Variants in NR3C1 observed in about 807,000 individuals in gnomAD.
NR3C1 encodes nuclear receptor subfamily 3 group C member 1.
Under a neutral mutation model 74.0 loss-of-function variants are expected in NR3C1, and 14 were observed. That is an observed-to-expected ratio of 0.19 (90% confidence interval 0.12 to 0.30). The LOEUF is 0.30. Ranked by LOEUF, NR3C1 falls within the 10% of genes least tolerant of loss-of-function variation. NR3C1 has a pLI of 1.00. For synonymous variants in NR3C1, 308 were observed against 332.5 expected (o/e 0.93, Z 0.80); for missense variants, 695 against 909.8 (o/e 0.76, Z 3.04).
At position 143,363,134 on chromosome 5, in the gene NR3C1, A is replaced by G. The variant is rs34562334; in HGVS notation, c.1184+36522T>C. On this transcript the variant is annotated intron_variant, in intron 2 of 8. Transcript: ENST00000394464. Reference sequence around the variant, plus strand: ...AGAGGCCATGGGCAAAGACTGGAAGATATTTTGCTTCTAGGCATTTAATGA... The same window carrying G: ...AGAGGCCATGGGCAAAGACTGGAAGGTATTTTGCTTCTAGGCATTTAATGA... Among the ~76,000 whole-genome samples the G allele has an allele frequency of 6.3e-3, 962 of 152,332 alleles. 8 individuals carry two copies. The highest frequency in any genetic ancestry group is 0.021 in the African/African-American group (890 of 41,578).
In NR3C1 at chr5:143,282,442, G is replaced by C. The variant is rs541779640; in HGVS notation, c.2181+126C>G. ...ACTGAAGTTCATAAGTTGAACTCAA[G>C]CTATCACCAACATCCACAAACTGGG... On this transcript the variant is annotated intron_variant, in intron 8 of 8. Transcript: ENST00000394464. 34 of 993,700 alleles carry C rather than the reference G, an allele frequency of 3.4e-5. No individual in the cohort carries two copies. The South Asian group carries it at 4.2e-4, about 12-fold the overall frequency. 61.6% of individuals were successfully genotyped at this position (993,700 alleles called of 1,614,324 possible).
chr5:143,297,810 A>G (rs956861382), intron 6 of NR3C1, among the ~76,000 whole-genome samples: 1 of 152,184 alleles, frequency 6.6e-6, no homozygotes, highest in Admixed American at 6.5e-5. Flanking sequence ...GAACACCAAG[A>G]GTCTAAGAGT....
chr5:143,331,817 T>C (rs1825998397), intron 2 of NR3C1, among the ~76,000 whole-genome samples: 1 of 152,120 alleles, frequency 6.6e-6, no homozygotes, highest in Non-Finnish European at 1.5e-5. Context: ...TAAAAACCTA[T>C]CCATCAAGTA....
chr5:143,388,664 G>C (rs1278948777), intron 2 of NR3C1, among the ~76,000 whole-genome samples: 2 of 152,192 alleles, frequency 1.3e-5, no homozygotes, highest in Admixed American at 6.5e-5. Flanking sequence ...ATTTAAATGA[G>C]AGAGTAAACC....
intron 2 of NR3C1, among the ~76,000 whole-genome samples, chr5:143,369,278 T>C (rs1479261262): frequency 1.3e-5 from 2 of 152,124 alleles, no homozygotes; most frequent in Non-Finnish European, 2.9e-5. Flanking sequence ...TGTAGAAAAA[T>C]GTTTGGCAGT....
rs116643133 is a variant in NR3C1, at chr5:143,347,099, C to T, written c.1185-32931G>A. Among the ~76,000 whole-genome samples, 448 of 152,266 alleles carry T rather than the reference C, an allele frequency of 2.9e-3. 1 individual carries two copies. The highest frequency in any genetic ancestry group is 0.01 in the Middle Eastern group (3 of 294). On this transcript the variant is annotated intron_variant, in intron 2 of 8. Coordinates refer to ENST00000394464, the MANE Select transcript of NR3C1 (RefSeq NM_000176.3). ...TCTTTTCTAGAATGTTTATATAGTA[C>T]AAGAAATGTATATTTGACATAGAAA...
intron 4 of NR3C1, among the ~76,000 whole-genome samples, chr5:143,308,044 T>G (rs895868705): frequency 6.6e-6 from 1 of 152,054 alleles, no homozygotes; most frequent in African/African-American, 2.4e-5. Context: ...GTAGATAGAG[T>G]TGTGTGTGTG....
chr5:143,370,071 C>T (rs1833977057), intron 2 of NR3C1, among the ~76,000 whole-genome samples: 1 of 152,256 alleles, frequency 6.6e-6, no homozygotes, highest in African/African-American at 2.4e-5. Context: ...TGGCTCTTTC[C>T]AGTCCTTTAG....
intron 7 of NR3C1, among the ~76,000 whole-genome samples, chr5:143,286,156 G>T (rs1165671610): frequency 6.6e-6 from 1 of 151,960 alleles, no homozygotes; most frequent in Non-Finnish European, 1.5e-5. Context: ...AACCAACAAA[G>T]CTCACTCAAG....
At chr5:143,340,497 T>A (rs1600109533) in intron 2 of NR3C1, among the ~76,000 whole-genome samples, 1 of 148,326 alleles carries the variant, frequency 6.7e-6, no homozygotes, top group Non-Finnish European at 1.5e-5. Flanking sequence ...TTTTTTTTTT[T>A]TTTGAGACAG....
chr5:143,340,050 GACAA>G (rs1282733794), intron 2 of NR3C1, among the ~76,000 whole-genome samples: 1 of 151,860 alleles, frequency 6.6e-6, no homozygotes, highest in African/African-American at 2.4e-5. Context: ...CTATATATGC[GACAA>G]ACAATTGGAA....
At chr5:143,419,914 C>G (rs34449288) in intron 1 of NR3C1, among the ~76,000 whole-genome samples, 27,655 of 152,096 alleles carry the variant, frequency 0.18, 2,730 homozygotes, top group Middle Eastern at 0.35. Flanking sequence ...CCTACAGTTT[C>G]AACCATAGAA....
At chr5:143,357,167 C>A (rs1186605739) in intron 2 of NR3C1, among the ~76,000 whole-genome samples, 1 of 152,082 alleles carries the variant, frequency 6.6e-6, no homozygotes, top group Admixed American at 6.5e-5. Context: ...TAACGTATTG[C>A]TAGTGTATTT....
chr5:143,355,890 G>A (rs1831050527), intron 2 of NR3C1, among the ~76,000 whole-genome samples: 1 of 152,186 alleles, frequency 6.6e-6, no homozygotes. Context: ...AACCCTGACT[G>A]TGAGTCACAA....
At chr5:143,318,768 C>A (rs1822715639) in intron 2 of NR3C1, among the ~76,000 whole-genome samples, 2 of 152,262 alleles carry the variant, frequency 1.3e-5, no homozygotes, top group South Asian at 4.1e-4. Flanking sequence ...ATACACTTTT[C>A]TTTGAGACAA....
At chr5:143,424,621 G>T (rs1751436534) in intron 1 of NR3C1, among the ~76,000 whole-genome samples, 1 of 152,110 alleles carries the variant, frequency 6.6e-6, no homozygotes, top group South Asian at 2.1e-4. Flanking sequence ...GCCTTATATG[G>T]CATTATAGTC....
At chr5:143,402,574 C>T (rs1436730592) in intron 1 of NR3C1, 5 of 984,166 alleles carry the variant, frequency 5.1e-6, no homozygotes, top group Middle Eastern at 5.2e-4. Flanking sequence ...GAAAAAAGTG[C>T]GAGGTTAAAA....
At chr5:143,319,984 G>A (rs1222019400) in intron 2 of NR3C1, among the ~76,000 whole-genome samples, 1 of 152,184 alleles carries the variant, frequency 6.6e-6, no homozygotes, top group Non-Finnish European at 1.5e-5. Context: ...ATTGGCTTGA[G>A]CCAGTAATTT....
chr5:143,418,626 C>T (rs535158338), intron 1 of NR3C1, among the ~76,000 whole-genome samples: 89 of 152,220 alleles, frequency 5.8e-4, no homozygotes, highest in Non-Finnish European at 1.0e-3. Flanking sequence ...GTTAAGAGGG[C>T]ACAGGGTGTG....
Sources: gnomAD v4.1 joint callset for allele counts (sites outside exome capture counted in the v4.1 genomes callset) on GRCh38, gnomAD v4.1.1 for gene constraint, MANE v1.5 for transcripts, NCBI Gene and HGNC (gene_info 2026-07-23, HGNC 2026-07-21) for gene names.